The following MEF2C variants were observed in gnomAD, a reference collection of about 807,000 sequenced individuals.
The protein encoded by MEF2C is myocyte-specific enhancer factor 2C.
In MEF2C, 6 loss-of-function variants were observed where a neutral mutation model predicts 50.5. The ratio of observed to expected loss-of-function variants is 0.12; its 90% CI spans 0.07 to 0.23. The LOEUF (loss-of-function observed/expected upper bound fraction) is 0.23, where lower values mean the gene tolerates loss of function less well. MEF2C is among the 10% of genes least tolerant of loss of function. The probability of loss-of-function intolerance (pLI) is 1.00; values close to 1 mark genes in which losing one functional copy is unlikely to be tolerated. For synonymous variants in MEF2C, 183 were observed against 228.0 expected, an observed-to-expected ratio of 0.80 and a Z score of 1.78; for missense variants, 276 against 605.0, an observed-to-expected ratio of 0.46 and a Z score of 5.70.
intron 6 of MEF2C, among the ~76,000 whole-genome samples, chr5:88,746,957 CA>C (rs149807132): frequency 6.6e-6 from 1 of 152,304 alleles, no homozygotes; most frequent in East Asian, 1.9e-4. Flanking sequence ...TTATTATCAC[CA>C]GGGTGGAGTA....
At position 88,761,251 on chromosome 5, in the gene MEF2C, C is replaced by G. The variant is rs1340835191; in HGVS notation, c.336G>C (p.Glu112Asp). 2 of 1,614,024 alleles carry G rather than the reference C, an allele frequency of 1.2e-6. No individual in the cohort carries two copies. Among genetic ancestry groups the G allele is most frequent in the Non-Finnish European group, 1.7e-6 (2 of 1,179,884 alleles). ...DADDSVGHSPESEDKYRKINE... is the reference protein window; with the variant it reads ...DADDSVGHSPDSEDKYRKINE... ...TAATTTTCCTGTACTTGTCCTCAGACTCAGGGCTGTGACCTACGGAATCGT... is the reference window on the plus strand; with the variant it reads ...TAATTTTCCTGTACTTGTCCTCAGAGTCAGGGCTGTGACCTACGGAATCGT... Residue 112 changes from glutamate (E) to aspartate (D), a missense_variant, in exon 4 of 11, where the codon GAG (glutamate) becomes GAC (aspartate). Physicochemically the swap from Glu to Asp is conservative, Grantham distance 45. Around this residue, in one of 2 missense-constraint regions of MEF2C, gnomAD observed 256 missense variants for 468.1 expected, o/e 0.55. Transcript: ENST00000504921.
intron 6 of MEF2C, chr5:88,748,133 A>T: frequency 1.0e-6 from 1 of 982,090 alleles, no homozygotes; most frequent in Non-Finnish European, 1.2e-6. Context: ...TCAAATAGAT[A>T]TATTTATAAA....
At chr5:88,784,742 G>T (rs1198151625) in intron 3 of MEF2C, among the ~76,000 whole-genome samples, 2 of 152,128 alleles carry the variant, frequency 1.3e-5, no homozygotes, top group East Asian at 3.8e-4. Flanking sequence ...TGTTTAAAAA[G>T]TATTCATGTA....
In MEF2C at chr5:88,722,404, T is replaced by C. The variant is rs1378150114; in HGVS notation, c.*200A>G. 5.4e-6 allele frequency: 3 copies of C among 553,978 alleles called. No individual in the cohort carries two copies. Among genetic ancestry groups the C allele is most frequent in the Admixed American group, 3.2e-5 (1 of 31,296 alleles). The allele number at this position is 553,978 out of a possible 1,614,324, so 34.3% of individuals were successfully genotyped here. On this transcript the variant is annotated 3_prime_UTR_variant, in exon 11 of 11. Coordinates refer to ENST00000504921, the MANE Select transcript of MEF2C (RefSeq NM_002397.5). ...GTGTTCTGTTGTACAACTCAAGTGCTAAGCTTATCTCAGCATTTCTGTTTA... is the reference window on the plus strand; with the variant it reads ...GTGTTCTGTTGTACAACTCAAGTGCCAAGCTTATCTCAGCATTTCTGTTTA...
At chr5:88,798,549 T>C (rs2153026172) in intron 3 of MEF2C, among the ~76,000 whole-genome samples, 1 of 152,220 alleles carries the variant, frequency 6.6e-6, no homozygotes, top group East Asian at 1.9e-4. Flanking sequence ...TTAACCTTTT[T>C]TCAAGTTTCT....
intron 1 of MEF2C, among the ~76,000 whole-genome samples, chr5:88,899,580 C>A (rs1164960755): frequency 6.6e-6 from 1 of 152,148 alleles, no homozygotes; most frequent in Non-Finnish European, 1.5e-5. Flanking sequence ...CTCTGGTGCT[C>A]TTTGAAGAAC....
intron 3 of MEF2C, chr5:88,772,469 G>C (rs1007045867): frequency 6.5e-6 from 1 of 153,806 alleles, no homozygotes; most frequent in African/African-American, 2.4e-5. Context: ...CCCTTGTCCT[G>C]ATGGGGAACA....
intron 1 of MEF2C, among the ~76,000 whole-genome samples, chr5:88,898,336 A>G (rs909752011): frequency 2.6e-5 from 4 of 152,138 alleles, no homozygotes; most frequent in Admixed American, 1.3e-4. Context: ...AGGGATAGCC[A>G]TTATCTTTTC....
At chr5:88,806,065 G>A (rs1244707660) in intron 2 of MEF2C, among the ~76,000 whole-genome samples, 3 of 151,836 alleles carry the variant, frequency 2.0e-5, no homozygotes, top group Non-Finnish European at 4.4e-5. Context: ...CTTGCTTTTC[G>A]AACCTATTGC....
At chr5:88,807,632 G>GT (rs2153093737) in intron 2 of MEF2C, among the ~76,000 whole-genome samples, 1 of 152,274 alleles carries the variant, frequency 6.6e-6, no homozygotes, top group African/African-American at 2.4e-5. Context: ...ATCCAATAAT[G>GT]TGTGTATAGT....
chr5:88,745,464 A>G (rs1005356947), intron 6 of MEF2C, among the ~76,000 whole-genome samples: 1 of 152,232 alleles, frequency 6.6e-6, no homozygotes, highest in Non-Finnish European at 1.5e-5. Flanking sequence ...TTGCATAGGT[A>G]AGAGTAAGCG....
chr5:88,738,086 A>G, intron 6 of MEF2C: 1 of 983,858 alleles, frequency 1.0e-6, no homozygotes. Flanking sequence ...AGTTGGGGAC[A>G]AAAAAAAGAT....
intron 3 of MEF2C, among the ~76,000 whole-genome samples, chr5:88,766,023 T>C (rs1206716806): frequency 6.6e-6 from 1 of 152,140 alleles, no homozygotes; most frequent in Admixed American, 6.5e-5. Flanking sequence ...GAGGAGTAAT[T>C]AGATTGACAG....
At chr5:88,888,373 C>T (rs1173244231) in intron 1 of MEF2C, 3 of 152,218 alleles carry the variant, frequency 2.0e-5, no homozygotes, top group African/African-American at 7.2e-5. Flanking sequence ...TTTGTAATAG[C>T]AGGAGGACTT....
chr5:88,900,275 ATAGT>A (rs1181827088), intron 1 of MEF2C, among the ~76,000 whole-genome samples: 2 of 151,764 alleles, frequency 1.3e-5, no homozygotes, highest in African/African-American at 2.4e-5. Flanking sequence ...TTAATATAAG[ATAGT>A]TATATATACA....
At chr5:88,729,132 C>T in intron 9 of MEF2C, 86 bp downstream of exon 9, 1 of 1,530,536 alleles carries the variant, frequency 6.5e-7, no homozygotes, top group Non-Finnish European at 9.0e-7. Context: ...AATAAAGCTT[C>T]CTAATAGAGT....
At chr5:88,743,539 A>G (rs138696890) in intron 6 of MEF2C, 16 of 980,808 alleles carry the variant, frequency 1.6e-5, no homozygotes, top group Non-Finnish European at 1.8e-5. Flanking sequence ...TTACAAAAAC[A>G]TAAGCAAAAT....
chr5:88,812,093 T>G (rs938628761), intron 2 of MEF2C, among the ~76,000 whole-genome samples: 1 of 152,230 alleles, frequency 6.6e-6, no homozygotes, highest in East Asian at 1.9e-4. Context: ...TGCACCAGGC[T>G]TAGTCGCTCC....
At chr5:88,878,709 CT>C (rs1470860312) in intron 1 of MEF2C, among the ~76,000 whole-genome samples, 1 of 151,748 alleles carries the variant, frequency 6.6e-6, no homozygotes, top group African/African-American at 2.4e-5. Context: ...CTTTATTCCA[CT>C]TTTACAAAGA....
Sources: gnomAD v4.1 joint callset for allele counts (sites outside exome capture counted in the v4.1 genomes callset) on GRCh38, gnomAD v4.1.1 for gene constraint, gnomAD v4.1.1 regional missense constraint, MANE v1.5 for transcripts, NCBI Gene and HGNC (gene_info 2026-07-23, HGNC 2026-07-21) for gene names.